Variants in PHC2 observed in about 807,000 individuals in gnomAD.
PHC2 encodes the protein polyhomeotic homolog 2.
PHC2 carries 29 observed loss-of-function variants against 87.4 expected under a neutral mutation model. That is an observed-to-expected ratio of 0.33 (90% CI 0.25 to 0.45). The LOEUF (loss-of-function observed/expected upper bound fraction) is 0.45, where lower values mean the gene tolerates loss of function less well. PHC2 is among the 20% of genes least tolerant of loss of function. The pLI, the probability that PHC2 is intolerant of heterozygous loss-of-function variation, is 1.00. For synonymous variants in PHC2, 438 were observed against 461.7 expected, an observed-to-expected ratio of 0.95 and a Z score of 0.66; for missense variants, 857 against 1,136.7, an observed-to-expected ratio of 0.75 and a Z score of 3.54.
intron 9 of PHC2, among the ~76,000 whole-genome samples, chr1:33,343,277 A>T (rs1273570355): frequency 6.6e-6 from 1 of 151,882 alleles, no homozygotes; most frequent in African/African-American, 2.4e-5. Context: ...CCTGGTCAAC[A>T]TGGTGAAACC....
intron 9 of PHC2, among the ~76,000 whole-genome samples, chr1:33,341,414 A>G (rs1418726010): frequency 6.6e-6 from 1 of 152,234 alleles, no homozygotes; most frequent in African/African-American, 2.4e-5. Flanking sequence ...CAGAGGCCAG[A>G]TATCACATGT....
At position 33,333,980 on chromosome 1, in the gene PHC2, A is replaced by C. The variant is rs901509754; in HGVS notation, c.1761+110T>G. On this transcript the variant is annotated intron_variant, in intron 10 of 14. Coordinates refer to ENST00000683057, the MANE Select transcript of PHC2 (RefSeq NM_001385109.1). ...TCTTTGGGGGAGGAAGTTAGCAAGGAAAGAGCAAATTGTTCACATTTTCAG... is the reference window on the plus strand; with the variant it reads ...TCTTTGGGGGAGGAAGTTAGCAAGGCAAGAGCAAATTGTTCACATTTTCAG... The C allele has an allele frequency of 4.2e-6, 4 of 953,040 alleles. No individual in the cohort carries two copies. In the African/African-American group the frequency reaches 5.0e-5, roughly 12 times the overall value. The allele number at this position is 953,040 out of a possible 1,614,324, so 59.0% of individuals were successfully genotyped here.
Position 33,349,540 on chromosome 1 carries a change from G to A in PHC2, c.1558+4861C>T, listed in dbSNP as rs1442900431. 11 of 982,326 alleles carry A rather than the reference G, an allele frequency of 1.1e-5. No homozygotes were observed. Among genetic ancestry groups the A allele is most frequent in the Admixed American group, 6.2e-5 (1 of 16,234 alleles). 60.9% of individuals were successfully genotyped at this position (982,326 alleles called of 1,614,324 possible). On this transcript the variant is annotated intron_variant, in intron 9 of 14. Transcript: ENST00000683057. The surrounding 1 kb of genome is among the most constrained non-coding windows in gnomAD (Gnocchi z 4.2). ...GGCGGTGCCCGACTTCCAGTGCGGC[G>A]AGCGCGGCCCCCGGCCTCCCTACTG...
intron 1 of PHC2, among the ~76,000 whole-genome samples, chr1:33,399,844 A>C (rs77437798): frequency 1.4e-5 from 2 of 146,332 alleles, no homozygotes; most frequent in Admixed American, 1.3e-4. Context: ...AAATGTTTAC[A>C]AAAAAAAATC....
intron 9 of PHC2, among the ~76,000 whole-genome samples, chr1:33,342,090 A>G (rs1646755137): frequency 6.6e-6 from 1 of 152,228 alleles, no homozygotes; most frequent in Admixed American, 6.5e-5. Context: ...TGAGCTTTTC[A>G]GGCACAGGAG....
At chr1:33,390,928 A>G (rs911449552) in intron 1 of PHC2, among the ~76,000 whole-genome samples, 2 of 152,198 alleles carry the variant, frequency 1.3e-5, no homozygotes, top group Non-Finnish European at 2.9e-5. Context: ...TGCATCAGCT[A>G]AAGTTTCATT....
intron 1 of PHC2, among the ~76,000 whole-genome samples, chr1:33,420,769 C>T (rs1328817450): frequency 6.6e-6 from 1 of 152,094 alleles, no homozygotes; most frequent in Non-Finnish European, 1.5e-5. Context: ...ACTACCACAC[C>T]TGGCTTATTT....
intron 1 of PHC2, among the ~76,000 whole-genome samples, chr1:33,412,490 G>A (rs1172778765): frequency 2.6e-5 from 4 of 152,112 alleles, no homozygotes; most frequent in Admixed American, 2.6e-4. Context: ...TTGGTGAAGA[G>A]GAATAAATAA....
At chr1:33,391,322 G>C (rs1309790574) in intron 1 of PHC2, among the ~76,000 whole-genome samples, 1 of 152,174 alleles carries the variant, frequency 6.6e-6, no homozygotes, top group African/African-American at 2.4e-5. Context: ...GTCGCCACTG[G>C]AGAAGAGGAA....
intron 1 of PHC2, among the ~76,000 whole-genome samples, chr1:33,411,508 CA>C (rs1649980274): frequency 6.6e-6 from 1 of 151,702 alleles, no homozygotes; most frequent in Admixed American, 6.6e-5. Flanking sequence ...AAAAATCTAG[CA>C]ATGTAAATCA....
chr1:33,324,744 G>A lies in PHC2; in HGVS notation c.*121C>T. ...GTGCCCAGACCTCCTCACCAGCTAT[G>A]CCCCTAGGGAGAGCCCCTGCCCTCC... On this transcript the variant is annotated 3_prime_UTR_variant, in exon 15 of 15. Transcript: ENST00000683057. 1 of 1,059,180 alleles carries A rather than the reference G, an allele frequency of 9.4e-7. No individual in the cohort carries two copies. The highest frequency in any genetic ancestry group is 2.6e-5 in the East Asian group (1 of 38,278). 65.6% of individuals were successfully genotyped at this position (1,059,180 alleles called of 1,614,324 possible). A position where few individuals can be genotyped will look rare whatever the true frequency, so the allele number is the denominator to read the frequency against.
Position 33,349,551 on chromosome 1 carries a change from C to A in PHC2, c.1558+4850G>T. The A allele has an allele frequency of 2.0e-6, 2 of 982,776 alleles. No homozygotes were observed. Among genetic ancestry groups the A allele is most frequent in the Non-Finnish European group, 2.4e-6 (2 of 827,838 alleles). 60.9% of individuals were successfully genotyped at this position (982,776 alleles called of 1,614,324 possible). ...ACTTCCAGTGCGGCGAGCGCGGCCC[C>A]CGGCCTCCCTACTGGCGAGAACCCC... On this transcript the variant is annotated intron_variant, in intron 9 of 14. Transcript: ENST00000683057. The surrounding 1 kb of genome is among the most constrained non-coding windows in gnomAD (Gnocchi z 4.2).
chr1:33,382,981 G>A lies in PHC2; in HGVS notation c.-54-7388C>T, dbSNP rs1648559630. On this transcript the variant is annotated intron_variant, in intron 1 of 14. Coordinates refer to ENST00000683057, the MANE Select transcript of PHC2 (RefSeq NM_001385109.1). The surrounding 1 kb of genome is among the most constrained non-coding windows in gnomAD (Gnocchi z 4.3). ...ATCAGAGCTGGGCAGGAAATGAGAA[G>A]TCTCGTCAGCCCCATCGTGGCTGCT... 6.6e-6 allele frequency among the ~76,000 whole-genome samples: 1 copy of A among 152,214 alleles called. No individual in the cohort carries two copies.
intron 7 of PHC2, among the ~76,000 whole-genome samples, chr1:33,356,335 C>T (rs1283372845): frequency 1.5e-5 from 2 of 136,966 alleles, no homozygotes; most frequent in East Asian, 2.2e-4. Flanking sequence ...GGGTGTTTCT[C>T]GGAGAGGGGG....
rs1646496525 is a variant in PHC2, at chr1:33,331,504, C to A, written c.1892-42G>T. On this transcript the variant is annotated intron_variant, in intron 11 of 14. Coordinates refer to ENST00000683057, the MANE Select transcript of PHC2 (RefSeq NM_001385109.1). The surrounding 1 kb of genome is among the most constrained non-coding windows in gnomAD (Gnocchi z 5.2). ...TGGGTAGGGTGGAGAATGAGAAATT[C>A]CTGCAGGACTGTGGCCAGCCCCACC... 1 of 1,219,008 alleles carries A rather than the reference C, an allele frequency of 8.2e-7. No homozygotes were observed. The highest frequency in any genetic ancestry group is 1.2e-6 in the Non-Finnish European group (1 of 825,328). 75.5% of individuals were successfully genotyped at this position (1,219,008 alleles called of 1,614,324 possible). A position where few individuals can be genotyped will look rare whatever the true frequency, so the allele number is the denominator to read the frequency against.
chr1:33,330,007 G>C (rs1365892286), intron 13 of PHC2, 64 bp downstream of exon 13: 19 of 1,576,594 alleles, frequency 1.2e-5, no homozygotes, highest in Non-Finnish European at 1.6e-5. Context: ...GTGGTGTCGA[G>C]GGCCATGGAA....
intron 9 of PHC2, 127 bp downstream of exon 9, chr1:33,354,274 C>T: frequency 4.7e-6 from 4 of 848,558 alleles, no homozygotes; most frequent in Non-Finnish European, 7.3e-6. Context: ...CCTCTGTTTC[C>T]AACCCCCCAG....
intron 13 of PHC2, 46 bp downstream of exon 13, chr1:33,330,025 T>C: frequency 6.2e-7 from 1 of 1,603,372 alleles, no homozygotes; most frequent in Non-Finnish European, 8.5e-7. Flanking sequence ...GAAGGGAAGC[T>C]GTGGGGACTG....
chr1:33,375,459 A>G lies in PHC2; in HGVS notation c.81T>C (p.Ser27=), dbSNP rs1195392325. The change falls in exon 2 of 15, where the codon AGT becomes AGC. Residue 27 remains serine (S), a synonymous_variant. Transcript: ENST00000683057. ...TSSTSGASSS[S]GCNNSSSGGS... ...CACCACTGCTGCTGTTGTTGCAGCC[A>G]CTGCTGCTACTGGCCCCGCTGGTAC... 6.2e-7 allele frequency: 1 copy of G among 1,612,396 alleles called. No homozygotes were observed. The highest frequency in any genetic ancestry group is 2.2e-5 in the East Asian group (1 of 44,690).
Sources: gnomAD v4.1 joint callset for allele counts (sites outside exome capture counted in the v4.1 genomes callset) on GRCh38, gnomAD v4.1.1 for gene constraint, Gnocchi (gnomAD v3.1) non-coding constraint, MANE v1.5 for transcripts, NCBI Gene and HGNC (gene_info 2026-07-23, HGNC 2026-07-21) for gene names.